NAV3: variants seen among roughly 807,000 people sequenced by gnomAD.
NAV3 encodes pore membrane and/or filament interacting like protein 1.
A neutral mutation model predicts 244.7 loss-of-function variants in NAV3; 87 were observed. The ratio of observed to expected loss-of-function variants is 0.36; its 90% CI spans 0.30 to 0.42. NAV3 has a LOEUF of 0.42. Among genes scored for constraint, NAV3 ranks in the 20% least tolerant of loss-of-function variants. The pLI is 1.00. For missense variants in NAV3, 2,663 were observed against 2,893.3 expected (o/e 0.92, Z 1.83); for synonymous variants, 1,126 against 1,042.2 (o/e 1.08, Z -1.55).
chr12:77,617,532 C>T (rs1004424593), intron 2 of NAV3, among the ~76,000 whole-genome samples: 30 of 152,304 alleles, frequency 2.0e-4, no homozygotes, highest in African/African-American at 7.0e-4. Context: ...TGTATGCCCA[C>T]TATGCAGTAA....
chr12:77,977,319 G>C (rs1426331105), intron 5 of NAV3, among the ~76,000 whole-genome samples: 2 of 152,114 alleles, frequency 1.3e-5, no homozygotes, highest in African/African-American at 4.8e-5. Context: ...ATTAAAAAAA[G>C]AGATAGCAAA....
At chr12:77,719,921 G>C (rs1278225680) in intron 2 of NAV3, among the ~76,000 whole-genome samples, 2 of 151,996 alleles carry the variant, frequency 1.3e-5, no homozygotes, top group African/African-American at 2.4e-5. Flanking sequence ...CTTGTTCTCG[G>C]CTTTTCTTTG....
At chr12:78,154,323 A>ATAATATATAATATATATAT in intron 22 of NAV3, among the ~76,000 whole-genome samples, 1 of 73,188 alleles carries the variant, frequency 1.4e-5, no homozygotes, top group Non-Finnish European at 2.9e-5. Context: ...GTATATATAT[A>ATAATATATAATATATATAT]GTATATATTA....
intron 2 of NAV3, among the ~76,000 whole-genome samples, chr12:77,760,422 C>T (rs138045973): frequency 8.5e-5 from 13 of 152,252 alleles, no homozygotes; most frequent in African/African-American, 3.1e-4. Flanking sequence ...CGAAGGAGAA[C>T]GCTAAGCTGC....
intron 2 of NAV3, among the ~76,000 whole-genome samples, chr12:77,800,833 G>T (rs1291644305): frequency 6.6e-6 from 1 of 151,668 alleles, no homozygotes; most frequent in African/African-American, 2.4e-5. Flanking sequence ...GCTTTTTTTT[G>T]AAAGATAAAT....
chr12:77,744,199 T>C (rs1359049421), intron 2 of NAV3, among the ~76,000 whole-genome samples: 1 of 151,902 alleles, frequency 6.6e-6, no homozygotes, highest in Non-Finnish European at 1.5e-5. Flanking sequence ...TAAAACAGTG[T>C]GATATGATGA....
At chr12:78,081,512 G>T (rs932413840) in intron 12 of NAV3, among the ~76,000 whole-genome samples, 2 of 152,186 alleles carry the variant, frequency 1.3e-5, no homozygotes, top group Non-Finnish European at 2.9e-5. Flanking sequence ...GCTTGAGTCA[G>T]CTGTCCATCT....
At chr12:77,836,256 G>A (rs552320106) in intron 1 of NAV3, among the ~76,000 whole-genome samples, 1 of 152,272 alleles carries the variant, frequency 6.6e-6, no homozygotes, top group Non-Finnish European at 1.5e-5. Flanking sequence ...GTTCATGAAA[G>A]TTTCTTGGCC....
At chr12:77,878,348 C>T (rs1882134967) in intron 1 of NAV3, among the ~76,000 whole-genome samples, 1 of 152,066 alleles carries the variant, frequency 6.6e-6, no homozygotes, top group African/African-American at 2.4e-5. Context: ...GCCTCAGCCT[C>T]CCAAGTAGCT....
chr12:78,124,461 T>C (rs1162874686), intron 16 of NAV3, among the ~76,000 whole-genome samples: 6 of 151,812 alleles, frequency 4.0e-5, no homozygotes, highest in African/African-American at 1.5e-4. Flanking sequence ...GTTATGTTAT[T>C]TATTTGTTTT....
intron 2 of NAV3, among the ~76,000 whole-genome samples, chr12:77,817,216 G>A (rs1287608861): frequency 6.6e-6 from 1 of 152,102 alleles, no homozygotes; most frequent in African/African-American, 2.4e-5. Flanking sequence ...AATATAAATG[G>A]GAAAGAGAAA....
At chr12:77,948,057 G>T (rs545015330) in intron 3 of NAV3, among the ~76,000 whole-genome samples, 31 of 152,046 alleles carry the variant, frequency 2.0e-4, no homozygotes, top group African/African-American at 7.5e-4. Context: ...TTGGAACTCT[G>T]ATTTGCTACC....
chr12:78,117,352 A>ATCTATT (rs1955460946), intron 13 of NAV3, among the ~76,000 whole-genome samples: 1 of 143,988 alleles, frequency 6.9e-6, no homozygotes, highest in African/African-American at 2.5e-5. Flanking sequence ...ATATAAAAAT[A>ATCTATT]TATAACATAT....
chr12:77,891,165 A>G (rs1392032040), intron 1 of NAV3, among the ~76,000 whole-genome samples: 4 of 151,692 alleles, frequency 2.6e-5, no homozygotes, highest in African/African-American at 9.7e-5. Flanking sequence ...TAAATTAAAT[A>G]TAATTTTCCC....
At chr12:78,124,444 ATG>A (rs1955816590) in intron 16 of NAV3, among the ~76,000 whole-genome samples, 2 of 151,792 alleles carry the variant, frequency 1.3e-5, no homozygotes, top group Non-Finnish European at 2.9e-5. Flanking sequence ...TATTTATGTT[ATG>A]TTATGTTATG....
intron 26 of NAV3, among the ~76,000 whole-genome samples, chr12:78,176,828 G>A (rs1392392863): frequency 1.3e-5 from 2 of 152,086 alleles, no homozygotes; most frequent in East Asian, 3.9e-4. Context: ...GCCTTGAAGA[G>A]AGAAGCATTG....
At chr12:78,162,229 T>C (rs1378703492) in intron 23 of NAV3, among the ~76,000 whole-genome samples, 2 of 152,150 alleles carry the variant, frequency 1.3e-5, no homozygotes, top group African/African-American at 4.8e-5. Flanking sequence ...TATTGCTCTC[T>C]GGTGATTCAA....
At chr12:77,918,485 A>G (rs1887381443) in intron 1 of NAV3, among the ~76,000 whole-genome samples, 1 of 152,118 alleles carries the variant, frequency 6.6e-6, no homozygotes, top group Non-Finnish European at 1.5e-5. Flanking sequence ...CTTTTGCTAG[A>G]ATACAAACCC....
chr12:77,873,756 A>ATAT (rs1329693260), intron 1 of NAV3, among the ~76,000 whole-genome samples: 1 of 114,530 alleles, frequency 8.7e-6, no homozygotes, highest in Non-Finnish European at 2.0e-5. Context: ...ATATATATAT[A>ATAT]TATATATATA....
Sources: allele counts gnomAD v4.1 joint callset (sites outside exome capture counted in the v4.1 genomes callset), GRCh38; gene constraint gnomAD v4.1.1; transcripts MANE v1.5; gene names NCBI Gene and HGNC (gene_info 2026-07-23, HGNC 2026-07-21).